Variants in SFI1 observed in about 807,000 individuals in gnomAD.
The protein encoded by SFI1 is SFI1 centrin binding protein.
A neutral mutation model predicts 207.5 loss-of-function variants in SFI1; 195 were observed. The ratio of observed to expected loss-of-function variants is 0.94; its 90% CI spans 0.84 to 1.06. SFI1 has a LOEUF of 1.06. SFI1 is among the 50% of genes least tolerant of loss of function. The pLI is 0.00. For synonymous variants in SFI1, 630 were observed against 598.9 expected (o/e 1.05, Z -0.76); for missense variants, 1,634 against 1,588.0 (o/e 1.03, Z -0.49).
intron 2 of SFI1, among the ~76,000 whole-genome samples, chr22:31,515,407 G>A (rs2056350686): frequency 6.6e-6 from 1 of 150,798 alleles, no homozygotes; most frequent in African/African-American, 2.4e-5. Flanking sequence ...GGAGTACAGT[G>A]GCATGATCAT....
chr22:31,611,333 T>C (rs754475889), intron 23 of SFI1, 30 bp downstream of exon 23: 2 of 1,561,868 alleles, frequency 1.3e-6, no homozygotes, highest in Admixed American at 3.6e-5. Context: ...CTCTCCAAGT[T>C]CTGCCTGCCT....
At chr22:31,616,707 G>T in intron 29 of SFI1, 38 bp from the exon 30 acceptor site, 1 of 1,506,438 alleles carries the variant, frequency 6.6e-7, no homozygotes, top group Non-Finnish European at 8.9e-7. Context: ...CTTCCTCCTA[G>T]CTTCCTTGCT....
chr22:31,546,658 G>A (rs2060112743), intron 4 of SFI1, among the ~76,000 whole-genome samples: 1 of 144,112 alleles, frequency 6.9e-6, no homozygotes, highest in African/African-American at 2.6e-5. Flanking sequence ...TAGTAGAGAC[G>A]GGGTTTCACC....
At position 31,614,845 on chromosome 22, in the gene SFI1, C is replaced by T. The variant is rs1196122335; in HGVS notation, c.3053C>T (p.Pro1018Leu). The stretch of plus-strand genomic sequence containing the variant: ...CGACGCCCACACTTCCTGTTGGAGC[C>T]TGCGCAGAGCCAGAGGTCCCTGGGG... ...QPRRPHFLLEPAQSQRPQKPQ... is the reference protein window; with the variant it reads ...QPRRPHFLLELAQSQRPQKPQ... The change falls in exon 28 of 33, where the codon CCT becomes CTT. Residue 1018 changes from proline (P) to leucine (L), a missense_variant. Pro to Leu is a moderately conservative substitution (Grantham distance 98, BLOSUM62 -3). Transcript: ENST00000400288. 1.2e-6 allele frequency: 2 copies of T among 1,613,840 alleles called. No individual in the cohort carries two copies. Among genetic ancestry groups the T allele is most frequent in the East Asian group, 2.2e-5 (1 of 44,878 alleles).
At chr22:31,549,290 A>AAAAAG (rs2060403275) in intron 5 of SFI1, among the ~76,000 whole-genome samples, 2 of 140,310 alleles carry the variant, frequency 1.4e-5, no homozygotes, top group Non-Finnish European at 1.5e-5. Flanking sequence ...ACCCTGTGTA[A>AAAAAG]AAAAAAAAAA....
rs1463032276 is a variant in SFI1 at position 31,541,041 on chromosome 22, C to G, written c.339-5820C>G. Reference sequence around the variant, plus strand: ...CTCCGGAGATATACCTGAGTCTTTGCTTGAGTGAATATGAGTGAATAATGG... The same window carrying G: ...CTCCGGAGATATACCTGAGTCTTTGGTTGAGTGAATATGAGTGAATAATGG... On this transcript the variant is annotated intron_variant, in intron 4 of 32. Transcript: ENST00000400288. Among the ~76,000 whole-genome samples the G allele has an allele frequency of 2.0e-5, 3 of 152,086 alleles. No individual in the cohort carries two copies. The South Asian group carries it at 6.2e-4, about 32-fold the overall frequency.
chr22:31,591,081 G>A (rs2065830506), intron 15 of SFI1, among the ~76,000 whole-genome samples: 1 of 151,676 alleles, frequency 6.6e-6, no homozygotes, highest in Admixed American at 6.6e-5. Flanking sequence ...AGTGAACAAA[G>A]GTCTCTGGTT....
In SFI1 at chr22:31,556,988, C is replaced by G; in HGVS notation, c.591C>G (p.Tyr197Ter). The G allele has an allele frequency of 6.2e-7, 1 of 1,612,192 alleles. No individual in the cohort carries two copies. Among genetic ancestry groups the G allele is most frequent in the Non-Finnish European group, 8.5e-7 (1 of 1,178,872 alleles). Residue 197 changes from tyrosine to a stop codon, truncating the protein, a stop_gained, in exon 7 of 33, where the codon TAC becomes TAG. Coordinates refer to ENST00000400288, the MANE Select transcript of SFI1 (RefSeq NM_001007467.3). LOFTEE classifies it high-confidence loss of function. Reference protein sequence around the residue: ...MRQAWKSWLIYVVVRRTKLQM... With the variant: ...MRQAWKSWLI ...AGGCCTGGAAGTCCTGGTTGATCTA[C>G]GTGGTTGTTCGTAGGACCAAACTTC...
intron 14 of SFI1, among the ~76,000 whole-genome samples, chr22:31,586,872 G>T (rs757897882): frequency 2.6e-5 from 4 of 152,096 alleles, no homozygotes; most frequent in Non-Finnish European, 4.4e-5. Context: ...AAGGTATAGC[G>T]GGTCTGAAAA....
chr22:31,612,398 AATATATATATATATAT>A (rs57948429), intron 24 of SFI1: 1 of 60,194 alleles, frequency 1.7e-5, no homozygotes, highest in Admixed American at 2.3e-4. Flanking sequence ...AAAAAAAAAA[AATATATATATATATAT>A]ATATATATAT....
At chr22:31,538,778 T>C (rs1213000605) in intron 4 of SFI1, among the ~76,000 whole-genome samples, 1 of 152,106 alleles carries the variant, frequency 6.6e-6, no homozygotes, top group African/African-American at 2.4e-5. Context: ...CCCTTCTAAC[T>C]CTCCTTTGTT....
chr22:31,575,092 G>A, intron 9 of SFI1, 139 bp from the exon 10 acceptor site: 6 of 205,466 alleles, frequency 2.9e-5, no homozygotes, highest in Non-Finnish European at 4.4e-5. Flanking sequence ...GTGCGTGTGT[G>A]TGTGTGTGTG....
intron 2 of SFI1, among the ~76,000 whole-genome samples, chr22:31,510,019 C>G (rs2146671928): frequency 1.3e-5 from 2 of 152,038 alleles, no homozygotes; most frequent in Admixed American, 1.3e-4. Context: ...CTGCCCAGTT[C>G]AAGCGATTCT....
chr22:31,543,828 A>G (rs907559929), intron 4 of SFI1, among the ~76,000 whole-genome samples: 4 of 151,728 alleles, frequency 2.6e-5, no homozygotes, highest in Non-Finnish European at 5.9e-5. Context: ...AAAAAAAAGA[A>G]AAAAAACTAT....
chr22:31,552,005 T>C (rs1048440618), intron 6 of SFI1, among the ~76,000 whole-genome samples: 25 of 152,324 alleles, frequency 1.6e-4, no homozygotes, highest in Non-Finnish European at 5.9e-5. Context: ...TAGGTAATTT[T>C]TCAACCCTTG....
chr22:31,523,758 GA>G (rs1258527342), intron 2 of SFI1, among the ~76,000 whole-genome samples: 1 of 151,874 alleles, frequency 6.6e-6, no homozygotes, highest in African/African-American at 2.4e-5. Context: ...CTGAGGGTAG[GA>G]AAAAATCAAG....
chr22:31,598,293 A>C (rs534705245), intron 15 of SFI1, among the ~76,000 whole-genome samples: 11 of 149,752 alleles, frequency 7.3e-5, no homozygotes, highest in Non-Finnish European at 4.5e-5. Flanking sequence ...CCGAGTTTTC[A>C]TAATTTATGC....
chr22:31,522,932 G>A (rs2057450317), intron 2 of SFI1, among the ~76,000 whole-genome samples: 1 of 152,176 alleles, frequency 6.6e-6, no homozygotes, highest in Non-Finnish European at 1.5e-5. Flanking sequence ...GGGATTACAG[G>A]TGTGAGCCAC....
At chr22:31,601,541 C>T (rs1205838788) in intron 15 of SFI1, among the ~76,000 whole-genome samples, 1 of 152,206 alleles carries the variant, frequency 6.6e-6, no homozygotes, top group East Asian at 1.9e-4. Context: ...CAACAGGTCC[C>T]CAAAGCGTTG....
Sources: gnomAD v4.1 joint callset for allele counts (sites outside exome capture counted in the v4.1 genomes callset) on GRCh38, gnomAD v4.1.1 for gene constraint, MANE v1.5 for transcripts, NCBI Gene and HGNC (gene_info 2026-07-23, HGNC 2026-07-21) for gene names.